The following ELMO1 variants were observed in gnomAD, a reference collection of about 807,000 sequenced individuals.
The protein encoded by ELMO1 is engulfment and cell motility protein 1.
Under a neutral mutation model 98.9 loss-of-function variants are expected in ELMO1, and 26 were observed. That is an observed-to-expected ratio of 0.26 (90% CI 0.19 to 0.36). The LOEUF (loss-of-function observed/expected upper bound fraction) is 0.36. Ranked by LOEUF, ELMO1 falls within the 10% of genes least tolerant of loss-of-function variation. The probability of loss-of-function intolerance (pLI) is 1.00; values close to 1 mark genes in which losing one functional copy is unlikely to be tolerated. For missense variants in ELMO1, 627 were observed against 935.2 expected (o/e 0.67, Z 4.30); for synonymous variants, 346 against 346.0 (o/e 1.00, Z 0.00).
chr7:37,152,082 T>A (rs1384200162), intron 13 of ELMO1, among the ~76,000 whole-genome samples: 1 of 152,178 alleles, frequency 6.6e-6, no homozygotes, highest in Non-Finnish European at 1.5e-5. Flanking sequence ...AATGCCACAT[T>A]GCCCCTAACC....
At position 37,031,816 on chromosome 7, in the gene ELMO1, TCTC is replaced by T. The variant is rs758988079; in HGVS notation, c.1301-18384_1301-18382del. On this transcript the variant is annotated intron_variant, in intron 15 of 21. Transcript: ENST00000310758. ...AGTCACCACATTCAAAAATTATTCT[TCTC>T]CTCACATTGAAATATTGCACTGAAA... Among the ~76,000 whole-genome samples, 25 of 152,268 alleles carry T rather than the reference TCTC, an allele frequency of 1.6e-4. No individual in the cohort carries two copies. The East Asian group carries it at 2.7e-3, about 16-fold the overall frequency.
intron 15 of ELMO1, among the ~76,000 whole-genome samples, chr7:37,043,461 G>A (rs543045823): frequency 9.2e-5 from 14 of 152,326 alleles, no homozygotes; most frequent in African/African-American, 2.9e-4. Flanking sequence ...ATGGCAAAGC[G>A]GCCACACAGG....
At chr7:37,359,449 T>C (rs1050688994) in intron 1 of ELMO1, among the ~76,000 whole-genome samples, 2 of 152,104 alleles carry the variant, frequency 1.3e-5, no homozygotes, top group African/African-American at 4.8e-5. Flanking sequence ...TTAGGATGAG[T>C]ACTAAAATGA....
At chr7:37,389,478 AC>A (rs1202770170) in intron 1 of ELMO1, among the ~76,000 whole-genome samples, 2 of 152,234 alleles carry the variant, frequency 1.3e-5, no homozygotes, top group Non-Finnish European at 2.9e-5. Context: ...GCACATGTAG[AC>A]CAGTATGTCT....
At chr7:36,953,199 A>G (rs1169968869) in intron 16 of ELMO1, among the ~76,000 whole-genome samples, 1 of 151,956 alleles carries the variant, frequency 6.6e-6, no homozygotes, top group Non-Finnish European at 1.5e-5. Context: ...ATCTCCTGAC[A>G]TCGTGGATCC....
intron 1 of ELMO1, among the ~76,000 whole-genome samples, chr7:37,361,185 G>C (rs899699563): frequency 6.6e-6 from 1 of 152,128 alleles, no homozygotes; most frequent in Non-Finnish European, 1.5e-5. Context: ...ACAAAGATAG[G>C]TGTATGAATG....
intron 13 of ELMO1, among the ~76,000 whole-genome samples, chr7:37,165,190 T>C (rs1789571104): frequency 6.6e-6 from 1 of 152,238 alleles, no homozygotes; most frequent in African/African-American, 2.4e-5. Flanking sequence ...TGATTTTGTA[T>C]CGTGAGACTC....
At chr7:36,969,800 C>T (rs898429611) in intron 16 of ELMO1, among the ~76,000 whole-genome samples, 2 of 151,996 alleles carry the variant, frequency 1.3e-5, no homozygotes, top group Non-Finnish European at 2.9e-5. Context: ...TTAAATATTT[C>T]CAAAACAAAC....
At chr7:36,911,824 T>C (rs1784364532) in intron 16 of ELMO1, among the ~76,000 whole-genome samples, 1 of 152,188 alleles carries the variant, frequency 6.6e-6, no homozygotes, top group Non-Finnish European at 1.5e-5. Context: ...TATTTGTCTT[T>C]AGCTAACTGG....
At chr7:36,904,826 T>C (rs1276236406) in intron 16 of ELMO1, among the ~76,000 whole-genome samples, 2 of 152,196 alleles carry the variant, frequency 1.3e-5, no homozygotes, top group African/African-American at 2.4e-5. Context: ...GCTCTTGAGA[T>C]GAGAGATCAA....
At chr7:37,003,908 T>C (rs1488338498) in intron 16 of ELMO1, among the ~76,000 whole-genome samples, 1 of 152,134 alleles carries the variant, frequency 6.6e-6, no homozygotes, top group Non-Finnish European at 1.5e-5. Context: ...CAACCCTCCA[T>C]TCATCACAAC....
intron 4 of ELMO1, among the ~76,000 whole-genome samples, chr7:37,289,393 G>T (rs372624893): frequency 3.4e-4 from 52 of 152,238 alleles, no homozygotes; most frequent in African/African-American, 1.2e-3. Context: ...AGATATATTT[G>T]CTCAGGTTCC....
chr7:36,866,389 ACT>A (rs1803034071), intron 20 of ELMO1, among the ~76,000 whole-genome samples: 2 of 152,088 alleles, frequency 1.3e-5, no homozygotes, highest in Admixed American at 1.3e-4. Context: ...AACATAACAG[ACT>A]CTAAGCTCCA....
intron 16 of ELMO1, among the ~76,000 whole-genome samples, chr7:36,909,016 G>C (rs1226203327): frequency 6.6e-6 from 1 of 152,010 alleles, no homozygotes; most frequent in Non-Finnish European, 1.5e-5. Flanking sequence ...CATTTATACT[G>C]GTAAATGACA....
intron 1 of ELMO1, among the ~76,000 whole-genome samples, chr7:37,385,751 A>G (rs1420913943): frequency 6.6e-6 from 1 of 152,252 alleles, no homozygotes; most frequent in African/African-American, 2.4e-5. Flanking sequence ...AGCGAGCGCT[A>G]GCTTCCCACA....
intron 2 of ELMO1, among the ~76,000 whole-genome samples, chr7:37,319,123 G>A (rs1393560231): frequency 6.6e-6 from 1 of 151,960 alleles, no homozygotes; most frequent in African/African-American, 2.4e-5. Flanking sequence ...CCACTCTCTT[G>A]CAAATCTCTA....
In ELMO1 at chr7:36,872,443, T is replaced by G. The variant is rs558542939; in HGVS notation, c.1823-1968A>C. 2.0e-5 allele frequency among the ~76,000 whole-genome samples: 3 copies of G among 152,370 alleles called. No individual in the cohort carries two copies. The South Asian group carries it at 6.2e-4, about 32-fold the overall frequency. On this transcript the variant is annotated intron_variant, in intron 19 of 21. Coordinates refer to ENST00000310758, the MANE Select transcript of ELMO1 (RefSeq NM_014800.11). The stretch of plus-strand genomic sequence containing the variant: ...GTGAGTGAGAAATAACCTTTTGTTA[T>G]GCAAGCCATGGAGATTTTGGGGTTG...
chr7:37,235,320 T>C (rs917118328), intron 7 of ELMO1, among the ~76,000 whole-genome samples: 1 of 152,190 alleles, frequency 6.6e-6, no homozygotes, highest in Non-Finnish European at 1.5e-5. Flanking sequence ...GTAAGATTTA[T>C]TAATAGACTG....
At chr7:37,213,971 C>G (rs6961963) in intron 11 of ELMO1, among the ~76,000 whole-genome samples, 42,023 of 152,134 alleles carry the variant, frequency 0.28, 6,391 homozygotes, top group African/African-American at 0.4. Flanking sequence ...ACTGTGGGAG[C>G]TACACAAGGA....
Sources: allele counts gnomAD v4.1 joint callset (sites outside exome capture counted in the v4.1 genomes callset), GRCh38; gene constraint gnomAD v4.1.1; transcripts MANE v1.5; gene names NCBI Gene and HGNC (gene_info 2026-07-23, HGNC 2026-07-21).